COL25A1: variants seen among roughly 807,000 people sequenced by gnomAD.
COL25A1 encodes collagen alpha-1(XXV) chain.
Under a neutral mutation model 128.4 loss-of-function variants are expected in COL25A1, and 103 were observed. The ratio of observed to expected loss-of-function variants is 0.80; its 90% CI spans 0.68 to 0.94. The LOEUF is 0.94. Among genes scored for constraint, COL25A1 ranks in the 40% least tolerant of loss-of-function variants. The pLI, the probability that COL25A1 is intolerant of heterozygous loss-of-function variation, is 0.00. For synonymous variants in COL25A1, 279 were observed against 277.2 expected (o/e 1.01, Z -0.06); for missense variants, 745 against 840.0 (o/e 0.89, Z 1.40).
Position 109,051,673 on chromosome 4 carries a change from T to C in COL25A1, c.368-1494A>G, listed in dbSNP as rs551351369. The stretch of plus-strand genomic sequence containing the variant: ...CAGACATAATCTGATATATAAAACT[T>C]CCTTAAGACTAAGAATTATATTTTT... On this transcript the variant is annotated intron_variant, in intron 3 of 37. Transcript: ENST00000399132. 8.0e-5 allele frequency among the ~76,000 whole-genome samples: 12 copies of C among 149,654 alleles called. No individual in the cohort carries two copies. The South Asian group carries it at 2.3e-3, about 29-fold the overall frequency.
intron 3 of COL25A1, among the ~76,000 whole-genome samples, chr4:109,279,033 C>T (rs1164294986): frequency 1.3e-5 from 2 of 150,140 alleles, no homozygotes; most frequent in African/African-American, 2.5e-5. Flanking sequence ...CCTCTGTCCT[C>T]ATGAACTAGT....
In COL25A1 at chr4:108,834,164, G is replaced by A. The variant is rs144006942; in HGVS notation, c.1657-1731C>T. Among the ~76,000 whole-genome samples the A allele has an allele frequency of 5.2e-3, 787 of 152,190 alleles. 3 individuals are homozygous for A. The highest frequency in any genetic ancestry group is 0.024 in the Middle Eastern group (7 of 294). ...CATTCTGGCAGTTTAGCTGTTCTCCGGACAGAGTTGCAACCGTCCTCTGTC... is the reference window on the plus strand; with the variant it reads ...CATTCTGGCAGTTTAGCTGTTCTCCAGACAGAGTTGCAACCGTCCTCTGTC... On this transcript the variant is annotated intron_variant, in intron 31 of 37. Transcript: ENST00000399132.
chr4:109,182,816 T>C (rs1175279495), intron 3 of COL25A1, among the ~76,000 whole-genome samples: 1 of 152,022 alleles, frequency 6.6e-6, no homozygotes, highest in Non-Finnish European at 1.5e-5. Context: ...CCCCAGCAGG[T>C]GTTAGGATAA....
intron 26 of COL25A1, among the ~76,000 whole-genome samples, chr4:108,850,523 G>A (rs1221490449): frequency 6.6e-6 from 1 of 152,126 alleles, no homozygotes; most frequent in East Asian, 1.9e-4. Context: ...TAGGAGGTAA[G>A]CGAGAATGAC....
At chr4:109,118,616 A>G (rs1767824884) in intron 3 of COL25A1, among the ~76,000 whole-genome samples, 1 of 152,050 alleles carries the variant, frequency 6.6e-6, no homozygotes, top group Non-Finnish European at 1.5e-5. Context: ...CAGAGAAAGA[A>G]AAGTTATCAG....
intron 8 of COL25A1, among the ~76,000 whole-genome samples, chr4:108,968,480 C>CTT (rs57969304): frequency 1.4e-5 from 2 of 145,612 alleles, no homozygotes; most frequent in Admixed American, 6.9e-5. Flanking sequence ...ATTGGCCACT[C>CTT]TTTTTTTTTT....
At chr4:109,271,006 T>C (rs1365565024) in intron 3 of COL25A1, among the ~76,000 whole-genome samples, 2 of 152,118 alleles carry the variant, frequency 1.3e-5, no homozygotes, top group Non-Finnish European at 2.9e-5. Flanking sequence ...TGGAAGGATT[T>C]TAGTAATTTG....
chr4:108,957,423 G>C (rs1363215410), intron 8 of COL25A1, among the ~76,000 whole-genome samples: 1 of 152,150 alleles, frequency 6.6e-6, no homozygotes, highest in Middle Eastern at 3.2e-3. Context: ...TAATGGAAGA[G>C]CTTTAAGGTT....
At chr4:109,043,047 T>A (rs1560586800) in intron 5 of COL25A1, among the ~76,000 whole-genome samples, 1 of 152,080 alleles carries the variant, frequency 6.6e-6, no homozygotes, top group Admixed American at 6.6e-5. Flanking sequence ...AGACCTGGGT[T>A]TATATTTCAG....
At chr4:109,103,896 C>T (rs573368007) in intron 3 of COL25A1, among the ~76,000 whole-genome samples, 8 of 151,996 alleles carry the variant, frequency 5.3e-5, no homozygotes, top group Admixed American at 3.3e-4. Flanking sequence ...TTGGAAGATG[C>T]CAGAAAATGA....
intron 3 of COL25A1, among the ~76,000 whole-genome samples, chr4:109,083,928 T>C (rs1764117956): frequency 6.6e-6 from 1 of 152,188 alleles, no homozygotes; most frequent in Non-Finnish European, 1.5e-5. Flanking sequence ...CTCTCTATCC[T>C]GCATTTTTAT....
chr4:108,857,172 G>A (rs1736625245), intron 24 of COL25A1, among the ~76,000 whole-genome samples: 1 of 151,994 alleles, frequency 6.6e-6, no homozygotes. Flanking sequence ...AAAGGTAGCT[G>A]GAATTATGGG....
intron 3 of COL25A1, among the ~76,000 whole-genome samples, chr4:109,083,645 G>C (rs1170673918): frequency 6.6e-6 from 1 of 151,644 alleles, no homozygotes; most frequent in Non-Finnish European, 1.5e-5. Flanking sequence ...TGTATTTTTA[G>C]TAGAGACGGG....
In COL25A1 at chr4:108,972,895, C is replaced by G. The variant is rs531689228; in HGVS notation, c.492+1472G>C. 7.4e-4 allele frequency among the ~76,000 whole-genome samples: 113 copies of G among 152,252 alleles called. 1 individual carries two copies. The highest frequency in any genetic ancestry group is 2.6e-3 in the African/African-American group (106 of 41,542). On this transcript the variant is annotated intron_variant, in intron 8 of 37. Coordinates refer to ENST00000399132, the MANE Select transcript of COL25A1 (RefSeq NM_198721.4). Reference sequence around the variant, plus strand: ...ATTTCAGATGGTTTCAGGTTTCATCCTGAAAATTTGGCCTAGCTTTATAAT... The same window carrying G: ...ATTTCAGATGGTTTCAGGTTTCATCGTGAAAATTTGGCCTAGCTTTATAAT...
intron 9 of COL25A1, among the ~76,000 whole-genome samples, chr4:108,941,062 T>C (rs1288077447): frequency 6.6e-6 from 1 of 152,242 alleles, no homozygotes; most frequent in African/African-American, 2.4e-5. Context: ...TCCCATCATA[T>C]TGCCTAATAA....
chr4:108,827,319 A>T, intron 32 of COL25A1, 131 bp from the exon 33 acceptor site: 2 of 768,570 alleles, frequency 2.6e-6, no homozygotes, highest in Non-Finnish European at 4.5e-6. Flanking sequence ...AGCCTCTTGC[A>T]GAGTCACTGC....
chr4:108,970,816 AC>A (rs1483892939), intron 8 of COL25A1, among the ~76,000 whole-genome samples: 1 of 152,170 alleles, frequency 6.6e-6, no homozygotes, highest in Non-Finnish European at 1.5e-5. Context: ...ATCTTTCTGT[AC>A]CTGCCTTATT....
At chr4:108,942,203 A>T in intron 8 of COL25A1, 1 of 1,550,204 alleles carries the variant, frequency 6.5e-7, no homozygotes, top group Non-Finnish European at 8.7e-7. Flanking sequence ...AGTGACAACC[A>T]CAAACCTTGA....
chr4:109,247,075 A>C (rs1780315087), intron 3 of COL25A1, among the ~76,000 whole-genome samples: 1 of 152,222 alleles, frequency 6.6e-6, no homozygotes, highest in African/African-American at 2.4e-5. Context: ...AAGAAAGATA[A>C]GCTTGAGGCT....
Sources: gnomAD v4.1 joint callset for allele counts (sites outside exome capture counted in the v4.1 genomes callset) on GRCh38, gnomAD v4.1.1 for gene constraint, MANE v1.5 for transcripts, NCBI Gene and HGNC (gene_info 2026-07-23, HGNC 2026-07-21) for gene names.